ULK4: variants seen among roughly 807,000 people sequenced by gnomAD.
ULK4 encodes unc-51 like kinase 4.
In ULK4, 133 loss-of-function variants were observed where a neutral mutation model predicts 160.6. That is an observed-to-expected ratio of 0.83 (90% CI 0.72 to 0.96). ULK4 has a LOEUF of 0.96. ULK4 is among the 40% of genes least tolerant of loss of function. ULK4 has a pLI of 0.00. For synonymous variants in ULK4, 534 were observed against 539.8 expected (o/e 0.99, Z 0.15); for missense variants, 1,580 against 1,499.5 (o/e 1.05, Z -0.89).
chr3:41,840,569 T>A (rs2125659471), intron 17 of ULK4, among the ~76,000 whole-genome samples: 1 of 152,256 alleles, frequency 6.6e-6, no homozygotes, highest in South Asian at 2.1e-4. Flanking sequence ...GGAGACAGGG[T>A]TTTGCCCTGT....
At chr3:41,666,132 C>T (rs1232901915) in intron 29 of ULK4, among the ~76,000 whole-genome samples, 1 of 152,128 alleles carries the variant, frequency 6.6e-6, no homozygotes, top group Non-Finnish European at 1.5e-5. Context: ...CTCACCTGAG[C>T]CTTGGTGTCC....
At chr3:41,920,958 G>A (rs1299836928) in intron 5 of ULK4, among the ~76,000 whole-genome samples, 1 of 152,182 alleles carries the variant, frequency 6.6e-6, no homozygotes, top group African/African-American at 2.4e-5. Flanking sequence ...AATATTTGTT[G>A]AATATGAATG....
chr3:41,906,433 G>A (rs1225012251), intron 12 of ULK4, among the ~76,000 whole-genome samples: 1 of 152,034 alleles, frequency 6.6e-6, no homozygotes, highest in Non-Finnish European at 1.5e-5. Flanking sequence ...GCAGACTAAG[G>A]CAGGACGACC....
At chr3:41,589,673 C>A (rs1035632866) in intron 31 of ULK4, among the ~76,000 whole-genome samples, 1 of 152,024 alleles carries the variant, frequency 6.6e-6, no homozygotes, top group African/African-American at 2.4e-5. Flanking sequence ...AGCTTTAAAG[C>A]AAACCCCTAA....
intron 30 of ULK4, among the ~76,000 whole-genome samples, chr3:41,647,669 T>G (rs2034566257): frequency 6.6e-6 from 1 of 152,222 alleles, no homozygotes; most frequent in African/African-American, 2.4e-5. Context: ...GAGGAGGCAG[T>G]CTGCCCGTTC....
chr3:41,812,226 A>C (rs1170140959), intron 19 of ULK4, among the ~76,000 whole-genome samples: 2 of 152,238 alleles, frequency 1.3e-5, no homozygotes, highest in African/African-American at 2.4e-5. Flanking sequence ...TCGAGGCTGC[A>C]GTGAACAGTG....
At chr3:41,561,140 G>A (rs2087551456) in intron 32 of ULK4, among the ~76,000 whole-genome samples, 1 of 152,160 alleles carries the variant, frequency 6.6e-6, no homozygotes, top group Non-Finnish European at 1.5e-5. Context: ...TTTTGTCATT[G>A]ATTCTGTTTA....
rs899811513 is a variant in ULK4 at position 41,374,051 on chromosome 3, T to C, written c.3678+24028A>G. On this transcript the variant is annotated intron_variant, in intron 35 of 36. Transcript: ENST00000301831. ...AGACAATCTAGAAGAAATGGATAAA[T>C]TCCTGGACACATACACCCTCCCAAG... Among the ~76,000 whole-genome samples the C allele has an allele frequency of 2.0e-5, 3 of 152,284 alleles. No individual in the cohort carries two copies. The East Asian group carries it at 5.8e-4, about 29-fold the overall frequency.
At chr3:41,553,287 AAAG>A (rs2087148789) in intron 32 of ULK4, among the ~76,000 whole-genome samples, 1 of 152,174 alleles carries the variant, frequency 6.6e-6, no homozygotes, top group Non-Finnish European at 1.5e-5. Context: ...TCTGCATAGC[AAAG>A]AAAACAATCT....
intron 35 of ULK4, among the ~76,000 whole-genome samples, chr3:41,378,253 T>C (rs1276897561): frequency 9.1e-5 from 13 of 142,206 alleles, no homozygotes; most frequent in Non-Finnish European, 1.8e-4. Context: ...AGGGATAGCA[T>C]TGGGAGATAC....
chr3:41,628,443 A>G (rs1477744200), intron 30 of ULK4, among the ~76,000 whole-genome samples: 1 of 152,160 alleles, frequency 6.6e-6, no homozygotes, highest in Non-Finnish European at 1.5e-5. Context: ...TGAGGAGGGG[A>G]CAGCATCACT....
At chr3:41,533,945 T>C (rs552128402) in intron 32 of ULK4, among the ~76,000 whole-genome samples, 16 of 152,190 alleles carry the variant, frequency 1.1e-4, no homozygotes, top group African/African-American at 3.1e-4. Context: ...GTAGCTGGGA[T>C]TACAGGCGCC....
chr3:41,905,839 C>A (rs1354306068), intron 12 of ULK4, among the ~76,000 whole-genome samples: 1 of 152,086 alleles, frequency 6.6e-6, no homozygotes, highest in East Asian at 1.9e-4. Context: ...CTTTGGGAGG[C>A]GGAGACAGGT....
At chr3:41,899,232 T>C (rs974769646) in intron 13 of ULK4, 3 of 152,274 alleles carry the variant, frequency 2.0e-5, no homozygotes, top group African/African-American at 7.2e-5. Flanking sequence ...GAGGAACAGA[T>C]AGGGATTATC....
Position 41,804,306 on chromosome 3 carries a change from G to A in ULK4, c.1849-4013C>T, listed in dbSNP as rs538229874. On this transcript the variant is annotated intron_variant, in intron 19 of 36. Coordinates refer to ENST00000301831, the MANE Select transcript of ULK4 (RefSeq NM_017886.4). The stretch of plus-strand genomic sequence containing the variant: ...CTTCTTTTGAGAAGTGTCTGTTCAT[G>A]TCCTTCGCCCACTTTGTGATGGGGT... Among the ~76,000 whole-genome samples, 15 of 152,238 alleles carry A rather than the reference G, an allele frequency of 9.9e-5. No homozygotes were observed. The East Asian group carries it at 1.4e-3, about 14-fold the overall frequency.
intron 30 of ULK4, among the ~76,000 whole-genome samples, chr3:41,644,499 T>C (rs1360929822): frequency 1.3e-5 from 2 of 152,240 alleles, no homozygotes; most frequent in African/African-American, 4.8e-5. Flanking sequence ...TTACATTTAT[T>C]GATTTGTGTA....
At chr3:41,833,286 G>GTTTTTTTTT (rs767254673) in intron 18 of ULK4, among the ~76,000 whole-genome samples, 1 of 109,518 alleles carries the variant, frequency 9.1e-6, no homozygotes. Flanking sequence ...TTTTTTTTTT[G>GTTTTTTTTT]TTTTTTTTTT....
chr3:41,603,304 T>C (rs2032206970), intron 31 of ULK4, among the ~76,000 whole-genome samples: 1 of 152,036 alleles, frequency 6.6e-6, no homozygotes, highest in Non-Finnish European at 1.5e-5. Flanking sequence ...CAATTCTAAA[T>C]ATGTATGAAA....
At chr3:41,310,431 A>G (rs910113584) in intron 35 of ULK4, among the ~76,000 whole-genome samples, 9 of 152,172 alleles carry the variant, frequency 5.9e-5, no homozygotes, top group African/African-American at 1.4e-4. Flanking sequence ...CTTACAATCA[A>G]TTTATTAGAA....
Sources: gnomAD v4.1 joint callset for allele counts (sites outside exome capture counted in the v4.1 genomes callset) on GRCh38, gnomAD v4.1.1 for gene constraint, MANE v1.5 for transcripts, NCBI Gene and HGNC (gene_info 2026-07-23, HGNC 2026-07-21) for gene names.